Variants in SIK3 observed in about 807,000 individuals in gnomAD.
SIK3 encodes serine/threonine-protein kinase SIK3.
A neutral mutation model predicts 144.2 loss-of-function variants in SIK3; 28 were observed. That is an observed-to-expected ratio of 0.19 (90% confidence interval 0.14 to 0.27). SIK3 has a LOEUF of 0.27. Among genes scored for constraint, SIK3 ranks in the 10% least tolerant of loss-of-function variants. SIK3 has a pLI of 1.00. For synonymous variants in SIK3, 686 were observed against 676.3 expected (o/e 1.01, Z -0.22); for missense variants, 1,319 against 1,776.0 (o/e 0.74, Z 4.62).
At chr11:117,096,582 T>C (rs1053848143) in intron 1 of SIK3, among the ~76,000 whole-genome samples, 2 of 152,062 alleles carry the variant, frequency 1.3e-5, no homozygotes, top group Non-Finnish European at 2.9e-5. Flanking sequence ...CCCTGGACTT[T>C]GGTATCTCAT....
chr11:116,861,461 A>C (rs112937217), intron 18 of SIK3, 78 bp from the exon 19 acceptor site: 1 of 1,077,882 alleles, frequency 9.3e-7, no homozygotes, highest in Non-Finnish European at 1.4e-6. Flanking sequence ...CATACAACAT[A>C]TATCAGTGGA....
chr11:116,902,738 T>C (rs572650307), intron 4 of SIK3, among the ~76,000 whole-genome samples: 1 of 152,236 alleles, frequency 6.6e-6, no homozygotes, highest in African/African-American at 2.4e-5. Context: ...ATTCCAAGTA[T>C]TGTTACTCCC....
chr11:116,945,686 T>G (rs1591392946), intron 3 of SIK3, among the ~76,000 whole-genome samples: 1 of 152,202 alleles, frequency 6.6e-6, no homozygotes, highest in East Asian at 1.9e-4. Context: ...TCCTGTAAAC[T>G]CTAAACAGGA....
At chr11:116,911,711 A>T (rs941239568) in intron 4 of SIK3, among the ~76,000 whole-genome samples, 4 of 152,246 alleles carry the variant, frequency 2.6e-5, no homozygotes, top group African/African-American at 9.6e-5. Context: ...GTATGCTTAC[A>T]TTATTCTATA....
At chr11:116,999,607 T>C (rs917055362) in intron 1 of SIK3, among the ~76,000 whole-genome samples, 6 of 152,174 alleles carry the variant, frequency 3.9e-5, no homozygotes, top group Non-Finnish European at 8.8e-5. Flanking sequence ...TTCTTTTTTG[T>C]TTTTTCAGTA....
intron 1 of SIK3, among the ~76,000 whole-genome samples, chr11:117,047,175 G>A (rs1463986878): frequency 1.3e-5 from 2 of 152,118 alleles, no homozygotes; most frequent in Admixed American, 1.3e-4. Context: ...AATCGATGAA[G>A]ACAATGCAAA....
intron 1 of SIK3, among the ~76,000 whole-genome samples, chr11:116,969,182 CG>C (rs1949675807): frequency 6.7e-6 from 1 of 148,926 alleles, no homozygotes; most frequent in African/African-American, 2.5e-5. Context: ...CCCAGCTACT[CG>C]GGAGGCTGAG....
chr11:117,006,140 C>A (rs139505938), intron 1 of SIK3, among the ~76,000 whole-genome samples: 1 of 152,292 alleles, frequency 6.6e-6, no homozygotes, highest in East Asian at 1.9e-4. Flanking sequence ...GAATACACAG[C>A]CTTCCCCTGG....
chr11:116,912,874 C>G (rs751587128), intron 4 of SIK3, among the ~76,000 whole-genome samples: 1 of 152,056 alleles, frequency 6.6e-6, no homozygotes, highest in African/African-American at 2.4e-5. Flanking sequence ...AATGTTGCTG[C>G]TAGAAATGAT....
intron 19 of SIK3, among the ~76,000 whole-genome samples, chr11:116,861,018 T>C (rs1427191048): frequency 6.6e-6 from 1 of 152,190 alleles, no homozygotes; most frequent in African/African-American, 2.4e-5. Context: ...CCTTTATCAA[T>C]TACCCAGTCT....
Position 117,013,320 on chromosome 11 carries a change from G to A in SIK3, c.274-56256C>T, listed in dbSNP as rs140517695. ...AGCCTGGCCAACATGGTGAAACCTC[G>A]TCTCCACTAAAAGTACAAAAAATCA... is the stretch of plus-strand genomic sequence containing the variant. On this transcript the variant is annotated intron_variant, in intron 1 of 24. Coordinates refer to ENST00000445177, the MANE Select transcript of SIK3 (RefSeq NM_001366686.3). Among the ~76,000 whole-genome samples the A allele has an allele frequency of 8.4e-3, 1,276 of 151,932 alleles. 21 individuals are homozygous for A. The highest frequency in any genetic ancestry group is 0.03 in the African/African-American group (1,237 of 41,444).
chr11:116,895,157 A>G (rs752193876), intron 6 of SIK3, among the ~76,000 whole-genome samples: 1 of 151,758 alleles, frequency 6.6e-6, no homozygotes, highest in Non-Finnish European at 1.5e-5. Context: ...TCTCTTCCTC[A>G]TCTCTCACCG....
chr11:117,070,013 T>C (rs1004830888), intron 1 of SIK3, among the ~76,000 whole-genome samples: 2 of 152,206 alleles, frequency 1.3e-5, no homozygotes, highest in African/African-American at 2.4e-5. Flanking sequence ...AACTAAGGCA[T>C]AGTGATAGGG....
Position 116,903,758 on chromosome 11 carries a change from A to AT in SIK3, c.617-6442dup, listed in dbSNP as rs202003979. Among the ~76,000 whole-genome samples, 296 of 151,966 alleles carry AT rather than the reference A, an allele frequency of 1.9e-3. 1 individual carries two copies. The highest frequency in any genetic ancestry group is 3.3e-3 in the Non-Finnish European group (225 of 67,962). ...CACCATGCCTAGCTATTTAAAAAAA[A>AT]TTTTTTTGTAGTGATGGGGGTCTTG... On this transcript the variant is annotated intron_variant, in intron 4 of 24. Transcript: ENST00000445177.
intron 1 of SIK3, among the ~76,000 whole-genome samples, chr11:116,976,290 T>C (rs1219529365): frequency 6.6e-6 from 1 of 152,192 alleles, no homozygotes; most frequent in Non-Finnish European, 1.5e-5. Flanking sequence ...TAACTCCAAA[T>C]CAGGAAGGTT....
chr11:116,997,109 T>C (rs563213249), intron 1 of SIK3, among the ~76,000 whole-genome samples: 1 of 152,306 alleles, frequency 6.6e-6, no homozygotes, highest in South Asian at 2.1e-4. Flanking sequence ...CAAACAAGAT[T>C]CAGGGGAACC....
rs202155403 is a variant in SIK3, at chr11:116,943,985, T to A, written c.454+10059A>T. Among the ~76,000 whole-genome samples the A allele has an allele frequency of 4.6e-5, 7 of 152,010 alleles. No homozygotes were observed. The East Asian group carries it at 1.3e-3, about 29-fold the overall frequency. On this transcript the variant is annotated intron_variant, in intron 3 of 24. Transcript: ENST00000445177. ...AATACATCAAAAGATCATTTCAGAATGTAATCAATAAAAATAATAGCAATG... is the reference window on the plus strand; with the variant it reads ...AATACATCAAAAGATCATTTCAGAAAGTAATCAATAAAAATAATAGCAATG...
intron 1 of SIK3, among the ~76,000 whole-genome samples, chr11:117,085,792 C>A (rs1356330002): frequency 6.6e-6 from 1 of 152,090 alleles, no homozygotes; most frequent in African/African-American, 2.4e-5. Flanking sequence ...CGAGACCATC[C>A]TGGCCAACAT....
At chr11:116,870,432 G>T in intron 13 of SIK3, 31 bp from the exon 14 acceptor site, 1 of 1,612,132 alleles carries the variant, frequency 6.2e-7, no homozygotes, top group Non-Finnish European at 8.5e-7. Flanking sequence ...AAAGCTCAAG[G>T]TGGCAGCTTA....
Sources: allele counts gnomAD v4.1 joint callset (sites outside exome capture counted in the v4.1 genomes callset), GRCh38; gene constraint gnomAD v4.1.1; transcripts MANE v1.5; gene names NCBI Gene and HGNC (gene_info 2026-07-23, HGNC 2026-07-21).